AHCTF1: variants seen among roughly 807,000 people sequenced by gnomAD.
The protein encoded by AHCTF1 is protein ELYS.
A neutral mutation model predicts 248.4 loss-of-function variants in AHCTF1; 24 were observed. The observed-to-expected ratio is 0.10, with a 90% confidence interval of 0.07 to 0.14. The LOEUF (loss-of-function observed/expected upper bound fraction) is 0.14. AHCTF1 is among the 10% of genes least tolerant of loss of function. The probability of loss-of-function intolerance (pLI) is 1.00; values close to 1 mark genes in which losing one functional copy is unlikely to be tolerated. For missense variants in AHCTF1, 2,206 were observed against 2,636.2 expected, an observed-to-expected ratio of 0.84 and a Z score of 3.57; for synonymous variants, 786 against 929.8, an observed-to-expected ratio of 0.85 and a Z score of 2.81.
At chr1:246,931,085 G>A in intron 1 of AHCTF1, 1 of 1,544,628 alleles carries the variant, frequency 6.5e-7, no homozygotes, top group East Asian at 2.5e-5. Context: ...GGAACCTCAC[G>A]GCTGAGCCCC....
At chr1:246,863,722 G>A (rs1661743109) in intron 27 of AHCTF1, among the ~76,000 whole-genome samples, 1 of 152,118 alleles carries the variant, frequency 6.6e-6, no homozygotes, top group Non-Finnish European at 1.5e-5. Flanking sequence ...TTACCTTTAA[G>A]AAAATAATGT....
chr1:246,898,904 A>G (rs1209937612), intron 11 of AHCTF1, among the ~76,000 whole-genome samples: 1 of 152,186 alleles, frequency 6.6e-6, no homozygotes, highest in Non-Finnish European at 1.5e-5. Flanking sequence ...CCTGGCCAAC[A>G]TGGTGAAACC....
At chr1:246,843,669 C>T (rs1274439694) in intron 34 of AHCTF1, 126 bp downstream of exon 34, 1 of 851,298 alleles carries the variant, frequency 1.2e-6, no homozygotes, top group Non-Finnish European at 1.5e-6. Flanking sequence ...ATCTTTAAGA[C>T]ATTTATTTAA....
At chr1:246,855,865 G>T in intron 30 of AHCTF1, 38 bp from the exon 31 acceptor site, 1 of 1,518,980 alleles carries the variant, frequency 6.6e-7, no homozygotes, top group Non-Finnish European at 9.1e-7. Context: ...TGTGTAAGAA[G>T]ATCCCATCTG....
At chr1:246,900,657 CA>C (rs1664930066) in intron 8 of AHCTF1, among the ~76,000 whole-genome samples, 188 bp from the exon 9 acceptor site, 1 of 152,200 alleles carries the variant, frequency 6.6e-6, no homozygotes, top group African/African-American at 2.4e-5. Context: ...GACTGTTTCT[CA>C]ATTTTAAGGC....
At chr1:246,926,333 G>A (rs1666916297) in intron 1 of AHCTF1, among the ~76,000 whole-genome samples, 4 of 152,150 alleles carry the variant, frequency 2.6e-5, no homozygotes, top group Admixed American at 2.6e-4. Flanking sequence ...AATAATACAT[G>A]TAACATTGTG....
chr1:246,875,927 GC>G (rs749240210), intron 24 of AHCTF1, 109 bp downstream of exon 24: 158 of 994,978 alleles, frequency 1.6e-4, no homozygotes, highest in Non-Finnish European at 1.5e-4. Context: ...TCCAAGGCAT[GC>G]CTGTATGTGT....
chr1:246,844,606 G>A (rs995293354), intron 33 of AHCTF1, among the ~76,000 whole-genome samples: 3 of 152,054 alleles, frequency 2.0e-5, no homozygotes, highest in Non-Finnish European at 4.4e-5. Context: ...CGCCTGTGGT[G>A]TCAGCTACGT....
intron 21 of AHCTF1, 26 bp from the exon 22 acceptor site, chr1:246,877,328 A>G (rs1169294047): frequency 6.5e-7 from 1 of 1,532,228 alleles, no homozygotes; most frequent in African/African-American, 1.4e-5. Context: ...ATCAAAGTTT[A>G]GTTTTAGAAA....
rs575992273 is a variant in AHCTF1, at chr1:246,865,936, T to A, written c.3347+1308A>T. On this transcript the variant is annotated intron_variant, in intron 26 of 35. Transcript: ENST00000648844. ...TATTTAAAAAATTGATTTATGTAAC[T>A]TTTTACTTGTTAGAGCTAATTTTTT... Among the ~76,000 whole-genome samples the A allele has an allele frequency of 1.1e-3, 174 of 152,286 alleles. 4 individuals carry two copies. The South Asian group carries it at 0.035, about 31-fold the overall frequency.
chr1:246,895,131 C>T (rs1572429160), intron 13 of AHCTF1, among the ~76,000 whole-genome samples: 1 of 152,050 alleles, frequency 6.6e-6, no homozygotes, highest in African/African-American at 2.4e-5. Flanking sequence ...GATCTCTTTT[C>T]CAAAAAACAA....
intron 27 of AHCTF1, among the ~76,000 whole-genome samples, 185 bp from the exon 28 acceptor site, chr1:246,862,338 G>A (rs1456462357): frequency 1.3e-5 from 2 of 152,274 alleles, no homozygotes; most frequent in East Asian, 1.9e-4. Flanking sequence ...AAATTAGGCA[G>A]GCGGGGTGGC....
rs1451562620 is a variant in AHCTF1 at position 246,907,723 on chromosome 1, G to T, written c.592C>A (p.Pro198Thr). The change falls in exon 5 of 36, where the codon CCA (proline) becomes ACA (threonine). Residue 198 changes from proline to threonine, a missense_variant. Pro to Thr is a conservative substitution (Grantham distance 38). Coordinates refer to ENST00000648844, the MANE Select transcript of AHCTF1 (RefSeq NM_001323342.2). ...EVLTGIPAEV[P>T]HIRESVMRQG... ...CTCATTACACTTTCTCTAATGTGTG[G>T]TACTTCAGCTGGGATACCAGTTAGA... 1.2e-6 allele frequency: 2 copies of T among 1,613,852 alleles called. No individual in the cohort carries two copies. Among genetic ancestry groups the T allele is most frequent in the Non-Finnish European group, 1.7e-6 (2 of 1,179,920 alleles).
At chr1:246,869,513 G>GTGAC (rs548533981) in intron 24 of AHCTF1, among the ~76,000 whole-genome samples, 41 of 152,164 alleles carry the variant, frequency 2.7e-4, no homozygotes, top group South Asian at 6.2e-4. Flanking sequence ...AAAGGACAGG[G>GTGAC]TGACTCTGCT....
At chr1:246,881,520 T>TA (rs1663407277) in intron 21 of AHCTF1, among the ~76,000 whole-genome samples, 5 of 152,110 alleles carry the variant, frequency 3.3e-5, no homozygotes, top group Admixed American at 3.3e-4. Context: ...AATCAAGTCT[T>TA]ACCAAAAAAA....
intron 1 of AHCTF1, among the ~76,000 whole-genome samples, chr1:246,929,202 A>AG (rs1463329690): frequency 6.6e-6 from 1 of 152,016 alleles, no homozygotes; most frequent in Non-Finnish European, 1.5e-5. Context: ...TGAGCTCAGG[A>AG]GTTCGAGATC....
intron 33 of AHCTF1, among the ~76,000 whole-genome samples, chr1:246,848,831 C>T (rs1660478012): frequency 6.9e-6 from 1 of 145,642 alleles, no homozygotes; most frequent in Non-Finnish European, 1.5e-5. Flanking sequence ...GCCTGGGCGA[C>T]AGAGTGAGAC....
At chr1:246,913,108 T>A (rs948672544) in intron 4 of AHCTF1, 124 bp downstream of exon 4, 46 of 758,852 alleles carry the variant, frequency 6.1e-5, no homozygotes, top group South Asian at 2.9e-4. Context: ...TTTTTTTTTT[T>A]TATAGATAGG....
At chr1:246,893,447 A>AACTTGTC (rs1372578009) in intron 14 of AHCTF1, among the ~76,000 whole-genome samples, 9 of 152,234 alleles carry the variant, frequency 5.9e-5, no homozygotes, top group African/African-American at 2.2e-4. Context: ...ACACAAGAGA[A>AACTTGTC]ATGACTAAAA....
Sources: gnomAD v4.1 joint callset for allele counts (sites outside exome capture counted in the v4.1 genomes callset) on GRCh38, gnomAD v4.1.1 for gene constraint, MANE v1.5 for transcripts, NCBI Gene and HGNC (gene_info 2026-07-23, HGNC 2026-07-21) for gene names.